The following ENTREP2 variants were observed in gnomAD, a reference collection of about 807,000 sequenced individuals.
ENTREP2 encodes endosomal transmembrane epsin interactor 2.
At chr15:29,269,540 C>G in the ENTREP2 span, 1 of 1,511,168 alleles carries the variant, frequency 6.6e-7, no homozygotes, top group South Asian at 1.3e-5. Context: ...CCCTGCGAGC[C>G]GCCCGGCCCG....
the ENTREP2 span, among the ~76,000 whole-genome samples, chr15:29,450,968 GGA>G: frequency 3.3e-5 from 5 of 151,860 alleles, no homozygotes; most frequent in Non-Finnish European, 7.4e-5. Context: ...GAGGGTGGGA[GGA>G]GAGAGAGATT....
At chr15:29,394,879 TC>T in the ENTREP2 span, among the ~76,000 whole-genome samples, 24 of 79,024 alleles carry the variant, frequency 3.0e-4, no homozygotes, top group African/African-American at 1.7e-3. Context: ...TGTGTCAGAA[TC>T]TCTTTTTTTT....
chr15:29,159,359 A>G, the ENTREP2 span, among the ~76,000 whole-genome samples: 1 of 152,184 alleles, frequency 6.6e-6, no homozygotes, highest in African/African-American at 2.4e-5. Flanking sequence ...TCATAAAGGC[A>G]AGGTGGACCG....
the ENTREP2 span, among the ~76,000 whole-genome samples, chr15:29,219,653 ATATATATAT>A: frequency 1.6e-5 from 2 of 124,656 alleles, no homozygotes; most frequent in African/African-American, 7.1e-5. Flanking sequence ...ATATATATAT[ATATATATAT>A]ATGATGGAAT....
the ENTREP2 span, among the ~76,000 whole-genome samples, chr15:29,313,895 G>C: frequency 6.6e-6 from 1 of 152,220 alleles, no homozygotes; most frequent in Non-Finnish European, 1.5e-5. Flanking sequence ...GTGATTCATG[G>C]GAGGAGGTCA....
At chr15:29,402,251 A>AATATATAT in the ENTREP2 span, among the ~76,000 whole-genome samples, 74 of 111,908 alleles carry the variant, frequency 6.6e-4, 1 homozygote, top group South Asian at 2.1e-3. Context: ...ATTATAGAAG[A>AATATATAT]ATATATATAT....
At chr15:29,578,639 G>C in the ENTREP2 span, among the ~76,000 whole-genome samples, 1 of 152,174 alleles carries the variant, frequency 6.6e-6, no homozygotes, top group South Asian at 2.1e-4. Context: ...ATACAGAAAA[G>C]TATTTTTTCA....
At chr15:29,178,478 T>C in the ENTREP2 span, among the ~76,000 whole-genome samples, 35 of 152,214 alleles carry the variant, frequency 2.3e-4, no homozygotes, top group African/African-American at 6.5e-4. Context: ...TCTGGACTAA[T>C]TGCTAGTCAG....
At chr15:29,401,356 G>A in the ENTREP2 span, among the ~76,000 whole-genome samples, 2 of 152,250 alleles carry the variant, frequency 1.3e-5, no homozygotes, top group East Asian at 3.9e-4. Context: ...GGCTGAATAC[G>A]ATGAATAGGA....
At chr15:29,497,094 C>G in the ENTREP2 span, among the ~76,000 whole-genome samples, 53,173 of 151,962 alleles carry the variant, frequency 0.35, 9,882 homozygotes, top group African/African-American at 0.48. Flanking sequence ...GGGCTTGAAG[C>G]TGTGAGTTCC....
At chr15:29,287,003 C>G in the ENTREP2 span, among the ~76,000 whole-genome samples, 1 of 152,142 alleles carries the variant, frequency 6.6e-6, no homozygotes, top group African/African-American at 2.4e-5. Flanking sequence ...TACTTCCAAG[C>G]TGCAGTTAAT....
chr15:29,632,950 G>A, the ENTREP2 span, among the ~76,000 whole-genome samples: 1 of 152,226 alleles, frequency 6.6e-6, no homozygotes, highest in Non-Finnish European at 1.5e-5. Flanking sequence ...ACTCTCCACT[G>A]TGAGACAAGT....
chr15:29,475,717 C>G, the ENTREP2 span, among the ~76,000 whole-genome samples: 3 of 152,188 alleles, frequency 2.0e-5, no homozygotes. Context: ...GGACATGAGG[C>G]TGTCCCAGAG....
At chr15:29,380,865 T>C in the ENTREP2 span, among the ~76,000 whole-genome samples, 2 of 150,628 alleles carry the variant, frequency 1.3e-5, no homozygotes, top group African/African-American at 4.9e-5. Flanking sequence ...TTTTTTTTTT[T>C]TGAGATGGAT....
chr15:29,604,786 A>G, the ENTREP2 span, among the ~76,000 whole-genome samples: 1 of 152,202 alleles, frequency 6.6e-6, no homozygotes, highest in Admixed American at 6.5e-5. Flanking sequence ...AAGGAAGCTG[A>G]TTAGGAAGGA....
chr15:29,365,538 C>A, the ENTREP2 span, among the ~76,000 whole-genome samples: 4 of 152,066 alleles, frequency 2.6e-5, no homozygotes. Context: ...AAGCTCATTT[C>A]TTTTTAGCAC....
chr15:29,268,896 G>A, the ENTREP2 span: 3 of 1,614,018 alleles, frequency 1.9e-6, no homozygotes, highest in Non-Finnish European at 2.5e-6. Context: ...CTTGATTATG[G>A]ACCTTGGCCA....
chr15:29,294,372 C>T, the ENTREP2 span, among the ~76,000 whole-genome samples: 126 of 152,318 alleles, frequency 8.3e-4, no homozygotes, highest in African/African-American at 2.5e-3. Flanking sequence ...GAGATGGTGA[C>T]GAGTCTGAGG....
the ENTREP2 span, among the ~76,000 whole-genome samples, chr15:29,440,476 T>G: frequency 2.0e-5 from 3 of 152,170 alleles, no homozygotes; most frequent in Non-Finnish European, 4.4e-5. Flanking sequence ...ACCTATAAAA[T>G]TACAACCCTC....
Sources: gnomAD v4.1 joint callset for allele counts (sites outside exome capture counted in the v4.1 genomes callset) on GRCh38, gnomAD v4.1.1 for gene constraint, MANE v1.5 for transcripts, NCBI Gene and HGNC (gene_info 2026-07-23, HGNC 2026-07-21) for gene names.